LRCH3: variants seen among roughly 807,000 people sequenced by gnomAD.
The protein encoded by LRCH3 is leucine rich repeats and calponin homology domain containing 3, also known as DISP complex protein LRCH3.
Under a neutral mutation model 104.5 loss-of-function variants are expected in LRCH3, and 68 were observed. The observed-to-expected ratio is 0.65, with a 90% CI of 0.54 to 0.80. The LOEUF (loss-of-function observed/expected upper bound fraction) is 0.80. Among genes scored for constraint, LRCH3 ranks in the 30% least tolerant of loss-of-function variants. The pLI, the probability that LRCH3 is intolerant of heterozygous loss-of-function variation, is 0.00. For synonymous variants in LRCH3, 344 were observed against 361.3 expected, an observed-to-expected ratio of 0.95 and a Z score of 0.54; for missense variants, 951 against 953.9, an observed-to-expected ratio of 1.00 and a Z score of 0.04.
intron 9 of LRCH3, among the ~76,000 whole-genome samples, chr3:197,836,427 G>C (rs768835171): frequency 3.6e-4 from 54 of 151,930 alleles, no homozygotes; most frequent in Non-Finnish European, 5.9e-4. Flanking sequence ...GTCTCAGATA[G>C]AATAGCATTC....
intron 1 of LRCH3, among the ~76,000 whole-genome samples, chr3:197,800,379 A>ACTAGTACT (rs1397352743): frequency 6.6e-6 from 1 of 152,246 alleles, no homozygotes; most frequent in Non-Finnish European, 1.5e-5. Context: ...AAACACTTGA[A>ACTAGTACT]CTAGTACTTT....
At chr3:197,795,762 G>A (rs1023717372) in intron 1 of LRCH3, among the ~76,000 whole-genome samples, 1 of 131,506 alleles carries the variant, frequency 7.6e-6, no homozygotes, top group Admixed American at 9.5e-5. Context: ...GCATGATCTC[G>A]GCTCACTGCA....
rs1303149082 is a variant in LRCH3 at position 197,886,818 on chromosome 3, A to C, written c.*3152A>C. The C allele has an allele frequency of 6.6e-6, 1 of 151,976 alleles. No homozygotes were observed. Among genetic ancestry groups the C allele is most frequent in the Non-Finnish European group, 1.5e-5 (1 of 68,166 alleles). 9.4% of individuals were successfully genotyped at this position (151,976 alleles called of 1,614,324 possible). The stretch of plus-strand genomic sequence containing the variant: ...AGACTCTGTCTCAAAAAAAAAAAAA[A>C]AAAAAAACCCACCAAACCAAAAATA... On this transcript the variant is annotated 3_prime_UTR_variant, in exon 21 of 21. Coordinates refer to ENST00000425562, the MANE Select transcript of LRCH3 (RefSeq NM_001365715.1).
intron 1 of LRCH3, among the ~76,000 whole-genome samples, chr3:197,812,011 A>AT (rs1302796878): frequency 2.0e-5 from 3 of 152,186 alleles, no homozygotes; most frequent in African/African-American, 7.2e-5. Flanking sequence ...TACATGTTTG[A>AT]TTTTTTAAAT....
chr3:197,829,531 A>G, intron 5 of LRCH3, 33 bp from the exon 6 acceptor site: 1 of 1,398,806 alleles, frequency 7.1e-7, no homozygotes. Context: ...CAGATGAGTA[A>G]TAATTTGGCT....
chr3:197,876,177 T>C (rs73892161), intron 20 of LRCH3: 2,724 of 153,842 alleles, frequency 0.018, 105 homozygotes, highest in African/African-American at 0.063. Context: ...GTTGAAAAAA[T>C]AGCCTAGAGT....
chr3:197,791,892 A>G (rs562577774), intron 1 of LRCH3, among the ~76,000 whole-genome samples: 7 of 152,104 alleles, frequency 4.6e-5, no homozygotes, highest in Non-Finnish European at 8.8e-5. Context: ...TGGACCTGCT[A>G]AGACGGGAAC....
chr3:197,882,855 G>GT, intron 20 of LRCH3: 29 of 985,306 alleles, frequency 2.9e-5, no homozygotes, highest in Non-Finnish European at 3.4e-5. Flanking sequence ...AATTCAGGCT[G>GT]TTAAATACCA....
chr3:197,798,593 G>A (rs951584435), intron 1 of LRCH3, among the ~76,000 whole-genome samples: 2 of 152,304 alleles, frequency 1.3e-5, no homozygotes, highest in African/African-American at 2.4e-5. Context: ...TACTTTCTAG[G>A]TAAGAAGAAT....
intron 1 of LRCH3, among the ~76,000 whole-genome samples, chr3:197,791,972 G>A (rs1730573905): frequency 2.6e-5 from 4 of 152,098 alleles, no homozygotes; most frequent in African/African-American, 9.7e-5. Context: ...AGGAAGGGTC[G>A]GTCTCAGCCC....
rs552445585 is a variant in LRCH3 at position 197,866,135 on chromosome 3, T to C, written c.1789T>C (p.Phe597Leu). Residue 597 changes from phenylalanine (F) to leucine (L), a missense_variant, in exon 17 of 21, where the codon TTT becomes CTT. Coordinates refer to ENST00000425562, the MANE Select transcript of LRCH3 (RefSeq NM_001365715.1). ...AGTTCATCATTCCCCTGCATATTCT[T>C]TTCCTGCTGCTATCCAGAGAAATCA... ...ETVHHSPAYS[F>L]PAAIQRNQPQ... is the part of the protein sequence containing the mutation. The C allele has an allele frequency of 1.9e-6, 3 of 1,613,916 alleles. No homozygotes were observed. In the South Asian group the frequency reaches 3.3e-5, roughly 18 times the overall value.
intron 14 of LRCH3, among the ~76,000 whole-genome samples, chr3:197,855,845 C>G (rs1740176816): frequency 1.3e-5 from 2 of 152,222 alleles, no homozygotes; most frequent in South Asian, 4.1e-4. Flanking sequence ...TAAAACACAT[C>G]TCACATTTCT....
intron 20 of LRCH3, among the ~76,000 whole-genome samples, chr3:197,880,154 C>T (rs1415907526): frequency 6.6e-6 from 1 of 151,370 alleles, no homozygotes; most frequent in Non-Finnish European, 1.5e-5. Flanking sequence ...ACCGTGTTAG[C>T]CGGGATGGTC....
At chr3:197,880,027 G>C (rs9754696) in intron 20 of LRCH3, among the ~76,000 whole-genome samples, 9,311 of 148,208 alleles carry the variant, frequency 0.063, 1,040 homozygotes, top group African/African-American at 0.22. Flanking sequence ...CTCACTGCAA[G>C]CTCCGCCTCC....
At chr3:197,880,180 C>G (rs530878388) in intron 20 of LRCH3, among the ~76,000 whole-genome samples, 1 of 152,000 alleles carries the variant, frequency 6.6e-6, no homozygotes, top group South Asian at 2.1e-4. Flanking sequence ...CTCCTGACCT[C>G]GTGATCCACC....
At chr3:197,813,721 G>A (rs544768269) in intron 1 of LRCH3, among the ~76,000 whole-genome samples, 33 of 151,498 alleles carry the variant, frequency 2.2e-4, no homozygotes, top group South Asian at 1.0e-3. Flanking sequence ...AGTAGAGATG[G>A]GGTTTCACCA....
intron 10 of LRCH3, among the ~76,000 whole-genome samples, chr3:197,845,278 G>A (rs1311657504): frequency 6.6e-6 from 1 of 151,854 alleles, no homozygotes; most frequent in Admixed American, 6.6e-5. Context: ...AGGCATGGTG[G>A]TGCACACCTG....
At chr3:197,842,180 A>T (rs1430149029) in intron 10 of LRCH3, among the ~76,000 whole-genome samples, 2 of 152,152 alleles carry the variant, frequency 1.3e-5, no homozygotes, top group Non-Finnish European at 2.9e-5. Context: ...CAGTCCTTGG[A>T]TAAGAACTCC....
chr3:197,809,186 T>C (rs1732834841), intron 1 of LRCH3, among the ~76,000 whole-genome samples: 1 of 151,140 alleles, frequency 6.6e-6, no homozygotes, highest in Non-Finnish European at 1.5e-5. Context: ...TAGTCCCAGC[T>C]CCTCAGGAGA....
Sources: allele counts gnomAD v4.1 joint callset (sites outside exome capture counted in the v4.1 genomes callset), GRCh38; gene constraint gnomAD v4.1.1; transcripts MANE v1.5; gene names NCBI Gene and HGNC (gene_info 2026-07-23, HGNC 2026-07-21).